CCDC85C: variants seen among roughly 807,000 people sequenced by gnomAD.
CCDC85C encodes coiled-coil domain-containing protein 85C.
Under a neutral mutation model 38.3 loss-of-function variants are expected in CCDC85C, and 18 were observed. The observed-to-expected ratio is 0.47, with a 90% CI of 0.33 to 0.70. The LOEUF (loss-of-function observed/expected upper bound fraction) is 0.70, where lower values mean the gene tolerates loss of function less well. Among genes scored for constraint, CCDC85C ranks in the 30% least tolerant of loss-of-function variants. The pLI is 0.03. For missense variants in CCDC85C, 566 were observed against 621.2 expected (o/e 0.91, Z 0.94); for synonymous variants, 264 against 293.8 (o/e 0.90, Z 1.04).
chr14:99,517,099 G>A lies in CCDC85C; in HGVS notation c.1060C>T (p.His354Tyr). 1 of 1,550,510 alleles carries A rather than the reference G, an allele frequency of 6.4e-7. No individual in the cohort carries two copies. The highest frequency in any genetic ancestry group is 8.7e-7 in the Non-Finnish European group (1 of 1,146,920). Reference protein sequence around the residue: ...PAGQKPEAVVHAMKVLEVHEN... With the variant: ...PAGQKPEAVVYAMKVLEVHEN... ...GTAGTGGCCCTCACCTTCATGGCAT[G>A]CACGACAGCCTCGGGCTTCTGTCCT... The change falls in exon 4 of 6, where the codon CAT becomes TAT. Residue 354 changes from histidine to tyrosine, a missense_variant. Around this residue, in one of 3 missense-constraint regions of CCDC85C, gnomAD observed 286 missense variants for 276.4 expected, o/e 1.03. Coordinates refer to ENST00000380243, the MANE Select transcript of CCDC85C (RefSeq NM_001144995.2).
chr14:99,500,633 GAGAA>G lies in CCDC85C; in HGVS notation c.*14609_*14612del. 1.5e-6 allele frequency: 1 copy of G among 668,606 alleles called. No homozygotes were observed. The highest frequency in any genetic ancestry group is 2.7e-6 in the Non-Finnish European group (1 of 372,826). The allele number at this position is 668,606 out of a possible 1,614,324, so 41.4% of individuals were successfully genotyped here. ...GAGCATGTTAAAAGTCTGAGTGGGA[GAGAA>G]AGGAAGGAAAGGCAGTTGCTAAAAT... On this transcript the variant is annotated 3_prime_UTR_variant, in exon 6 of 6. Coordinates refer to ENST00000380243, the MANE Select transcript of CCDC85C (RefSeq NM_001144995.2).
chr14:99,515,267 G>T lies in CCDC85C; in HGVS notation c.1239C>A (p.Asn413Lys). The T allele has an allele frequency of 6.4e-7, 1 of 1,550,802 alleles. No individual in the cohort carries two copies. Among genetic ancestry groups the T allele is most frequent in the Non-Finnish European group, 8.7e-7 (1 of 1,146,814 alleles). The change falls in exon 6 of 6, where the codon AAC becomes AAA. Residue 413 changes from asparagine to lysine, a missense_variant. Asn to Lys is a moderately conservative substitution (Grantham distance 94). Coordinates refer to ENST00000380243, the MANE Select transcript of CCDC85C (RefSeq NM_001144995.2). ...KPSIRQHLSG[N>K]QFKGPL is the part of the protein sequence containing the mutation. ...GGCCCTACAAAGGCCCCTTGAACTG[G>T]TTCCCAGACAGGTGCTGCCGTATGG...
intron 2 of CCDC85C, among the ~76,000 whole-genome samples, chr14:99,526,113 A>G (rs1025795144): frequency 1.3e-5 from 2 of 152,144 alleles, no homozygotes; most frequent in African/African-American, 4.8e-5. Context: ...GAGGACCCCA[A>G]CACAGGCCTC....
rs1566788658 is a variant in CCDC85C, at chr14:99,603,828, G to T, written c.132C>A (p.Gly44=). Reference sequence around the variant, plus strand: ...TCAGGCCGCCGTGCTCCAGCATGAGGCCCACCTTCTCGCCCTCGGCGCGCC... The same window carrying T: ...TCAGGCCGCCGTGCTCCAGCATGAGTCCCACCTTCTCGCCCTCGGCGCGCC... ...RLRRAEGEKV[G]LMLEHGGLMR... is the part of the protein sequence containing the mutation. Residue 44 remains glycine, a synonymous_variant, in exon 1 of 6, where the codon GGC becomes GGA. Coordinates refer to ENST00000380243, the MANE Select transcript of CCDC85C (RefSeq NM_001144995.2). The surrounding 1 kb of genome is among the most constrained non-coding windows in gnomAD (Gnocchi z 7.5). 8 of 1,523,172 alleles carry T rather than the reference G, an allele frequency of 5.3e-6. No individual in the cohort carries two copies. The highest frequency in any genetic ancestry group is 7.0e-6 in the Non-Finnish European group (8 of 1,141,488). 94.4% of individuals were successfully genotyped at this position (1,523,172 alleles called of 1,614,324 possible).
At chr14:99,579,701 GGGAGGCAGGGGCA>G (rs2054944414) in intron 1 of CCDC85C, among the ~76,000 whole-genome samples, 1 of 152,114 alleles carries the variant, frequency 6.6e-6, no homozygotes, top group African/African-American at 2.4e-5. Context: ...GGGAGGCAGC[GGGAGGCAGGGGCA>G]GGCCTGGGGG....
Position 99,533,571 on chromosome 14 carries a change from C to T in CCDC85C, c.867+2444G>A, listed in dbSNP as rs1049291694. On this transcript the variant is annotated intron_variant, in intron 2 of 5. Coordinates refer to ENST00000380243, the MANE Select transcript of CCDC85C (RefSeq NM_001144995.2). This position sits in a 1 kb window ranked among gnomAD's most constrained non-coding sequence, Gnocchi z 4.2. ...GTCCAACTGCCTGCAGCCAGCAAGC[C>T]TGTGTCCAGGCAAGGGTCAGCAGCT... Among the ~76,000 whole-genome samples, 14 of 152,250 alleles carry T rather than the reference C, an allele frequency of 9.2e-5. No homozygotes were observed. The highest frequency in any genetic ancestry group is 3.4e-4 in the African/African-American group (14 of 41,470).
At chr14:99,525,510 G>C (rs1392927977) in intron 2 of CCDC85C, among the ~76,000 whole-genome samples, 2 of 152,228 alleles carry the variant, frequency 1.3e-5, no homozygotes, top group African/African-American at 4.8e-5. Context: ...CTGTGCTTAG[G>C]GGAGCTGCTG....
intron 1 of CCDC85C, among the ~76,000 whole-genome samples, chr14:99,571,896 G>T (rs1458626715): frequency 6.6e-6 from 1 of 152,182 alleles, no homozygotes; most frequent in Admixed American, 6.5e-5. Flanking sequence ...TGGCACATGG[G>T]TGGCCTGGGA....
In CCDC85C at chr14:99,510,788, GC is replaced by G; in HGVS notation, c.*4457del. The G allele has an allele frequency of 7.0e-7, 1 of 1,425,400 alleles. No homozygotes were observed. Among genetic ancestry groups the G allele is most frequent in the Non-Finnish European group, 9.2e-7 (1 of 1,089,926 alleles). The allele number at this position is 1,425,400 out of a possible 1,614,324, so 88.3% of individuals were successfully genotyped here. ...GGGCAGCCTGGATGAGATAACGTGAGCCTTTTTTCCCTCTTTGTTTTTTTAA... is the reference window on the plus strand; with the variant it reads ...GGGCAGCCTGGATGAGATAACGTGAGCTTTTTTCCCTCTTTGTTTTTTTAA... On this transcript the variant is annotated 3_prime_UTR_variant, in exon 6 of 6. Transcript: ENST00000380243.
rs2055236979 is a variant in CCDC85C, at chr14:99,603,705, G to A, written c.255C>T (p.Arg85=). The part of the protein sequence containing the change: ...QRLQDDNQEL[R]ELCCFLDDDR... ...CGTCGTCGAGGAAGCAGCAGAGCTC[G>A]CGCAGCTCCTGGTTGTCGTCCTGCA... The change falls in exon 1 of 6, where the codon CGC becomes CGT. Residue 85 remains arginine (R), a synonymous_variant. Transcript: ENST00000380243. The surrounding 1 kb of genome is among the most constrained non-coding windows in gnomAD (Gnocchi z 7.5). The A allele has an allele frequency of 1.3e-6, 2 of 1,514,142 alleles. No individual in the cohort carries two copies. The highest frequency in any genetic ancestry group is 2.6e-5 in the East Asian group (1 of 38,378). 93.8% of individuals were successfully genotyped at this position (1,514,142 alleles called of 1,614,324 possible).
intron 1 of CCDC85C, among the ~76,000 whole-genome samples, chr14:99,581,734 C>T (rs77306194): frequency 0.082 from 12,545 of 152,262 alleles, 873 homozygotes; most frequent in African/African-American, 0.19. Context: ...CCTTGAAAGG[C>T]CACGAAGCAG....
At chr14:99,573,377 A>C (rs1898399670) in intron 1 of CCDC85C, among the ~76,000 whole-genome samples, 1 of 152,158 alleles carries the variant, frequency 6.6e-6, no homozygotes. Flanking sequence ...ATCCCCTTAG[A>C]AGAGTTTTGT....
intron 1 of CCDC85C, among the ~76,000 whole-genome samples, chr14:99,580,641 G>A (rs900299080): frequency 6.6e-6 from 1 of 152,114 alleles, no homozygotes; most frequent in Non-Finnish European, 1.5e-5. Flanking sequence ...AAGGTGTGTG[G>A]CTCATTTGAC....
At chr14:99,541,864 G>C (rs1428959270) in intron 1 of CCDC85C, among the ~76,000 whole-genome samples, 1 of 152,150 alleles carries the variant, frequency 6.6e-6, no homozygotes, top group Non-Finnish European at 1.5e-5. Context: ...TGACACACAG[G>C]GACACATGGT....
chr14:99,604,057 G>T lies in CCDC85C; in HGVS notation c.-98C>A. The T allele has an allele frequency of 1.0e-6, 1 of 975,308 alleles. No individual in the cohort carries two copies. Among genetic ancestry groups the T allele is most frequent in the Non-Finnish European group, 1.2e-6 (1 of 824,586 alleles). The allele number at this position is 975,308 out of a possible 1,614,324, so 60.4% of individuals were successfully genotyped here. On this transcript the variant is annotated 5_prime_UTR_variant, in exon 1 of 6. Coordinates refer to ENST00000380243, the MANE Select transcript of CCDC85C (RefSeq NM_001144995.2). Reference sequence around the variant, plus strand: ...GCCGGTCCGCGCGCGGGCGGGGGGCGGCCGGGGGCGCGTGCGGCCCGCCCC... The same window carrying T: ...GCCGGTCCGCGCGCGGGCGGGGGGCTGCCGGGGGCGCGTGCGGCCCGCCCC...
At chr14:99,522,070 TGGCCCGCC>T in intron 3 of CCDC85C, 55 bp downstream of exon 3, 1 of 1,331,102 alleles carries the variant, frequency 7.5e-7, no homozygotes, top group Non-Finnish European at 1.1e-6. Context: ...GGCAGGTCAC[TGGCCCGCC>T]TGAGCCTCAG....
rs34139658 is a variant in CCDC85C, at chr14:99,556,910, G to GAA, written c.794-20824_794-20823dup. On this transcript the variant is annotated intron_variant, in intron 1 of 5. Coordinates refer to ENST00000380243, the MANE Select transcript of CCDC85C (RefSeq NM_001144995.2). ...ACTCTAACGTCTCTAAAATACTTCA[G>GAA]AAAAAAAAAAAAGTCCAGAGAGAGA... is the stretch of plus-strand genomic sequence containing the variant. 7.9e-4 allele frequency among the ~76,000 whole-genome samples: 115 copies of GAA among 145,832 alleles called. 1 individual carries two copies. The highest frequency in any genetic ancestry group is 3.5e-3 in the Middle Eastern group (1 of 284).
At chr14:99,560,979 G>A (rs918424690) in intron 1 of CCDC85C, among the ~76,000 whole-genome samples, 2 of 152,220 alleles carry the variant, frequency 1.3e-5, no homozygotes, top group Admixed American at 1.3e-4. Context: ...GTGTCCACTA[G>A]AAGCCTGGGC....
rs976044791 is a variant in CCDC85C, at chr14:99,513,238, G to T, written c.*2008C>A. The T allele has an allele frequency of 6.6e-6, 1 of 152,052 alleles. No homozygotes were observed. Among genetic ancestry groups the T allele is most frequent in the African/African-American group, 2.4e-5 (1 of 41,366 alleles). The allele number at this position is 152,052 out of a possible 1,614,324, so 9.4% of individuals were successfully genotyped here. On this transcript the variant is annotated 3_prime_UTR_variant, in exon 6 of 6. Transcript: ENST00000380243. Reference sequence around the variant, plus strand: ...AACCTGACCCAAACATGATGCACACGGGCTCCCAGACTTGGCTGCCACTCA... The same window carrying T: ...AACCTGACCCAAACATGATGCACACTGGCTCCCAGACTTGGCTGCCACTCA...
Sources: gnomAD v4.1 joint callset for allele counts (sites outside exome capture counted in the v4.1 genomes callset) on GRCh38, gnomAD v4.1.1 for gene constraint, gnomAD v4.1.1 regional missense constraint, Gnocchi (gnomAD v3.1) non-coding constraint, MANE v1.5 for transcripts, NCBI Gene and HGNC (gene_info 2026-07-23, HGNC 2026-07-21) for gene names.